Variants in STXBP5L observed in about 807,000 individuals in gnomAD.
STXBP5L encodes syntaxin-binding protein 5-like.
Under a neutral mutation model 144.5 loss-of-function variants are expected in STXBP5L, and 65 were observed. That is an observed-to-expected ratio of 0.45 (90% CI 0.37 to 0.55). STXBP5L has a LOEUF of 0.55. Ranked by LOEUF, STXBP5L falls within the 20% of genes least tolerant of loss-of-function variation. STXBP5L has a pLI of 0.00. For missense variants in STXBP5L, 1,298 were observed against 1,405.5 expected (o/e 0.92, Z 1.22); for synonymous variants, 505 against 469.6 (o/e 1.08, Z -0.97).
At chr3:121,354,755 G>T (rs1397461908) in intron 20 of STXBP5L, among the ~76,000 whole-genome samples, 1 of 151,946 alleles carries the variant, frequency 6.6e-6, no homozygotes, top group Admixed American at 6.6e-5. Context: ...TGGTTATTTT[G>T]CCCGTTAACT....
intron 2 of STXBP5L, among the ~76,000 whole-genome samples, chr3:120,932,730 A>G (rs1273143737): frequency 6.6e-6 from 1 of 152,136 alleles, no homozygotes; most frequent in Non-Finnish European, 1.5e-5. Flanking sequence ...TCATGCTGCT[A>G]TAAAGACACA....
In STXBP5L at chr3:121,381,350, A is replaced by G; in HGVS notation, c.2405A>G (p.Lys802Arg). 6.2e-7 allele frequency: 1 copy of G among 1,605,016 alleles called. No homozygotes were observed. Among genetic ancestry groups the G allele is most frequent in the Non-Finnish European group, 8.5e-7 (1 of 1,177,594 alleles). The part of the protein sequence containing the change: ...SRSSSISSID[K>R]DSKEAITALY... ...AGCTCTAGTATCTCCAGTATTGACA[A>G]AGATTCTAAAGAAGCAATTACAGCA... Residue 802 changes from lysine to arginine, a missense_variant, in exon 22 of 27, where the codon AAA (lysine) becomes AGA (arginine). By Grantham distance (26) the Lys-to-Arg change is conservative (BLOSUM62 2). Transcript: ENST00000471454.
chr3:121,270,471 T>C (rs796220790), intron 18 of STXBP5L, among the ~76,000 whole-genome samples: 1 of 152,036 alleles, frequency 6.6e-6, no homozygotes, highest in Non-Finnish European at 1.5e-5. Flanking sequence ...ATTTTTTTTT[T>C]AGATGGTGTC....
intron 9 of STXBP5L, among the ~76,000 whole-genome samples, 174 bp from the exon 10 acceptor site, chr3:121,205,749 G>A (rs2048311158): frequency 6.6e-6 from 1 of 152,026 alleles, no homozygotes; most frequent in Non-Finnish European, 1.5e-5. Context: ...TCTAAAGATT[G>A]TTTACAAATT....
intron 10 of STXBP5L, among the ~76,000 whole-genome samples, chr3:121,212,625 T>G (rs960106716): frequency 2.8e-4 from 42 of 152,248 alleles, no homozygotes; most frequent in African/African-American, 9.9e-4. Flanking sequence ...AGCCTTGCAG[T>G]ATAGTTTGAA....
chr3:121,023,510 G>T (rs541793707), intron 3 of STXBP5L, among the ~76,000 whole-genome samples: 10 of 152,168 alleles, frequency 6.6e-5, no homozygotes, highest in Non-Finnish European at 1.5e-5. Flanking sequence ...CAAGGCTATG[G>T]TTACCAAAAC....
intron 5 of STXBP5L, among the ~76,000 whole-genome samples, chr3:121,051,860 AAGAG>A (rs1380963985): frequency 6.6e-6 from 1 of 152,174 alleles, no homozygotes; most frequent in Non-Finnish European, 1.5e-5. Flanking sequence ...TAAAGAAGAA[AAGAG>A]AGAAGAATCA....
chr3:121,021,685 CAA>C (rs1423562244), intron 3 of STXBP5L, among the ~76,000 whole-genome samples: 1 of 152,004 alleles, frequency 6.6e-6, no homozygotes, highest in Non-Finnish European at 1.5e-5. Flanking sequence ...ACAATGAAAT[CAA>C]GAGGAAAATT....
Position 120,979,216 on chromosome 3 carries a change from G to A in STXBP5L, c.287+24179G>A, listed in dbSNP as rs541060323. On this transcript the variant is annotated intron_variant, in intron 3 of 26. Coordinates refer to ENST00000471454, the MANE Select transcript of STXBP5L (RefSeq NM_001308330.2). ...GGGCTTCCCCCAGTTGGAGCTTCCC[G>A]GCTGCTTTGTTTACCTAAGCAAGCC... is the stretch of plus-strand genomic sequence containing the variant. Among the ~76,000 whole-genome samples the A allele has an allele frequency of 2.6e-3, 391 of 152,284 alleles. 4 individuals are homozygous for A. Among genetic ancestry groups the A allele is most frequent in the African/African-American group, 8.6e-3 (359 of 41,570 alleles).
chr3:121,136,922 T>G (rs2107922449), intron 7 of STXBP5L, among the ~76,000 whole-genome samples: 1 of 152,266 alleles, frequency 6.6e-6, no homozygotes. Flanking sequence ...GGTCATGGCC[T>G]TTTCAGCACA....
At chr3:121,008,006 G>T (rs966300180) in intron 3 of STXBP5L, among the ~76,000 whole-genome samples, 10 of 151,916 alleles carry the variant, frequency 6.6e-5, no homozygotes, top group Admixed American at 5.3e-4. Context: ...GGTTGTAATA[G>T]ATATTTATCA....
intron 7 of STXBP5L, among the ~76,000 whole-genome samples, chr3:121,137,133 T>A (rs1288260918): frequency 6.6e-6 from 1 of 152,118 alleles, no homozygotes; most frequent in Admixed American, 6.6e-5. Context: ...AGTATTATGC[T>A]AATTACCTGG....
chr3:121,312,407 A>T (rs1283433686), intron 19 of STXBP5L, among the ~76,000 whole-genome samples: 8 of 56,966 alleles, frequency 1.4e-4, no homozygotes, highest in East Asian at 5.7e-4. Context: ...AGAAAAATGT[A>T]GTTTTATTTG....
At chr3:121,074,280 A>C (rs1191188466) in intron 5 of STXBP5L, among the ~76,000 whole-genome samples, 2 of 152,170 alleles carry the variant, frequency 1.3e-5, no homozygotes, top group Non-Finnish European at 2.9e-5. Flanking sequence ...ATCCACAGGA[A>C]TTCACCCAAG....
At chr3:120,939,342 A>C (rs1471218375) in intron 2 of STXBP5L, among the ~76,000 whole-genome samples, 1 of 152,186 alleles carries the variant, frequency 6.6e-6, no homozygotes, top group East Asian at 1.9e-4. Context: ...CAAATAAGCT[A>C]AGAAAGAAAG....
chr3:121,062,785 G>A lies in STXBP5L; in HGVS notation c.470+17250G>A, dbSNP rs550601273. ...CTTCATTCTTGACATTCTTTCTTCC[G>A]CCTGATTGATTTGTCTATTGATACT... On this transcript the variant is annotated intron_variant, in intron 5 of 26. Transcript: ENST00000471454. 7.9e-5 allele frequency among the ~76,000 whole-genome samples: 12 copies of A among 151,746 alleles called. No individual in the cohort carries two copies. The East Asian group carries it at 9.7e-4, about 12-fold the overall frequency.
chr3:121,002,271 G>T (rs1943845227), intron 3 of STXBP5L, among the ~76,000 whole-genome samples: 1 of 117,650 alleles, frequency 8.5e-6, no homozygotes, highest in Non-Finnish European at 2.0e-5. Context: ...ATATCTCATT[G>T]TTGTTTTCAT....
chr3:121,185,148 C>G (rs2047323314), intron 9 of STXBP5L, among the ~76,000 whole-genome samples: 1 of 152,156 alleles, frequency 6.6e-6, no homozygotes, highest in Admixed American at 6.5e-5. Flanking sequence ...GAAACTGCAA[C>G]TTGTAAATTT....
chr3:120,956,072 GC>G (rs1273296854), intron 3 of STXBP5L, among the ~76,000 whole-genome samples: 5 of 151,778 alleles, frequency 3.3e-5, no homozygotes, highest in Non-Finnish European at 7.4e-5. Context: ...CTGGTTTTTG[GC>G]TATTCTTACT....
Sources: allele counts gnomAD v4.1 joint callset (sites outside exome capture counted in the v4.1 genomes callset), GRCh38; gene constraint gnomAD v4.1.1; transcripts MANE v1.5; gene names NCBI Gene and HGNC (gene_info 2026-07-23, HGNC 2026-07-21).